Variants in ID3 observed in about 807,000 individuals in gnomAD.
ID3 encodes the protein inhibitor of DNA binding 3, also known as DNA-binding protein inhibitor ID-3.
ID3 carries 4 observed loss-of-function variants against 9.6 expected under a neutral mutation model. The observed-to-expected ratio is 0.42, with a 90% CI of 0.21 to 0.96. The LOEUF (loss-of-function observed/expected upper bound fraction) is 0.96, where lower values mean the gene tolerates loss of function less well. ID3 is among the 40% of genes least tolerant of loss of function. The pLI, the probability that ID3 is intolerant of heterozygous loss-of-function variation, is 0.30. For synonymous variants in ID3, 108 were observed against 75.2 expected (o/e 1.44, Z -2.26); for missense variants, 191 against 164.5 (o/e 1.16, Z -0.88).
At position 23,558,321 on chromosome 1, in the gene ID3, T is replaced by C. The variant is rs994853023; in HGVS notation, c.*120A>G. On this transcript the variant is annotated 3_prime_UTR_variant, in exon 3 of 3. Coordinates refer to ENST00000374561, the MANE Select transcript of ID3 (RefSeq NM_002167.5). ...CAGGAAGGGATTTGGTGAAGTCAAG[T>C]GGGCAGGGCGAAGTTGGGGCCCATC... The C allele has an allele frequency of 6.5e-6, 1 of 152,724 alleles. No homozygotes were observed. 9.5% of individuals were successfully genotyped at this position (152,724 alleles called of 1,614,324 possible).
intron 2 of ID3, chr1:23,558,655 T>G: frequency 2.6e-6 from 1 of 391,850 alleles, no homozygotes; most frequent in Non-Finnish European, 4.7e-6. Flanking sequence ...GACAGCTCCC[T>G]ATACAACATG....
chr1:23,558,651 T>C (rs1431642327), intron 2 of ID3: 2 of 348,768 alleles, frequency 5.7e-6, no homozygotes, highest in African/African-American at 2.1e-5. Context: ...CGAAGACAGC[T>C]CCCTATACAA....
chr1:23,559,208 G>A lies in ID3; in HGVS notation c.219C>T (p.Val73=). 5 of 1,614,214 alleles carry A rather than the reference G, an allele frequency of 3.1e-6. No homozygotes were observed. The highest frequency in any genetic ancestry group is 4.2e-6 in the Non-Finnish European group (5 of 1,180,038). The part of the protein sequence containing the change: ...QLSQVEILQR[V]IDYILDLQVV... ...CCTGCAGGTCGAGAATGTAGTCGATGACGCGCTGTAGGATTTCCACCTGGC... is the reference window on the plus strand; with the variant it reads ...CCTGCAGGTCGAGAATGTAGTCGATAACGCGCTGTAGGATTTCCACCTGGC... The change falls in exon 1 of 3, where the codon GTC becomes GTT. Residue 73 remains valine (V), a synonymous_variant. Coordinates refer to ENST00000374561, the MANE Select transcript of ID3 (RefSeq NM_002167.5).
In ID3 at chr1:23,559,078, G is replaced by A. The variant is rs375701426; in HGVS notation, c.300+49C>T. On this transcript the variant is annotated intron_variant, in intron 1 of 2. Transcript: ENST00000374561. ...GGCAATCGGGAGCTCCGAGGGTCCCGCAGCATCCTTGCCTGGGTGTTCAGC... is the reference window on the plus strand; with the variant it reads ...GGCAATCGGGAGCTCCGAGGGTCCCACAGCATCCTTGCCTGGGTGTTCAGC... 34 of 1,611,716 alleles carry A rather than the reference G, an allele frequency of 2.1e-5. No individual in the cohort carries two copies. The African/African-American group carries it at 3.5e-4, about 16-fold the overall frequency.
Position 23,559,489 on chromosome 1 carries a change from T to C in ID3, c.-63A>G. The C allele has an allele frequency of 1.3e-6, 2 of 1,527,466 alleles. No homozygotes were observed. Among genetic ancestry groups the C allele is most frequent in the East Asian group, 2.3e-5 (1 of 43,286 alleles). The allele number at this position is 1,527,466 out of a possible 1,614,324, so 94.6% of individuals were successfully genotyped here. A position where few individuals can be genotyped will look rare whatever the true frequency, so the allele number is the denominator to read the frequency against. On this transcript the variant is annotated 5_prime_UTR_variant, in exon 1 of 3. Transcript: ENST00000374561. ...AAAACCAAAAGAAGTCCCGCTACAG[T>C]GACCTGCAACGCGCGCACGCTCGCC...
chr1:23,559,404 C>T lies in ID3; in HGVS notation c.23G>A (p.Arg8His), dbSNP rs755804779. 39 of 1,612,240 alleles carry T rather than the reference C, an allele frequency of 2.4e-5. No individual in the cohort carries two copies. Among genetic ancestry groups the T allele is most frequent in the East Asian group, 4.5e-5 (2 of 44,876 alleles). MKALSPV[R>H]GCYEAVCCLS... Reference sequence around the variant, plus strand: ...GCAGCACACCGCCTCGTAGCAGCCGCGCACCGGGCTCAGCGCCTTCATGCT... The same window carrying T: ...GCAGCACACCGCCTCGTAGCAGCCGTGCACCGGGCTCAGCGCCTTCATGCT... Residue 8 changes from arginine (R) to histidine (H), a missense_variant, in exon 1 of 3, where the codon CGC (arginine) becomes CAC (histidine). By Grantham distance (29) the Arg-to-His change is conservative (BLOSUM62 0). Transcript: ENST00000374561.
Position 23,559,273 on chromosome 1 carries a change from G to A in ID3, c.154C>T (p.Arg52Trp). The change falls in exon 1 of 3, where the codon CGG becomes TGG. Residue 52 changes from arginine to tryptophan, a missense_variant. By Grantham distance (101) the Arg-to-Trp change is moderately radical. Transcript: ENST00000374561. ...CTCGGGACTCCGGGTACCAGTTCCCGCAGGCGGGAGTAGCAGTGGTTCATG... is the reference window on the plus strand; with the variant it reads ...CTCGGGACTCCGGGTACCAGTTCCCACAGGCGGGAGTAGCAGTGGTTCATG... ...DDMNHCYSRL[R>W]ELVPGVPRGT... The A allele has an allele frequency of 1.2e-6, 2 of 1,614,102 alleles. No homozygotes were observed. Among genetic ancestry groups the A allele is most frequent in the South Asian group, 1.1e-5 (1 of 91,086 alleles).
At position 23,559,452 on chromosome 1, in the gene ID3, C is replaced by T. The variant is rs748568243; in HGVS notation, c.-26G>A. 3 of 1,594,092 alleles carry T rather than the reference C, an allele frequency of 1.9e-6. No individual in the cohort carries two copies. The highest frequency in any genetic ancestry group is 3.5e-5 in the Admixed American group (2 of 57,174). On this transcript the variant is annotated 5_prime_UTR_variant, in exon 1 of 3. Coordinates refer to ENST00000374561, the MANE Select transcript of ID3 (RefSeq NM_002167.5). ...GCTGGGGAGTGAGTCCAGAGGTGCC[C>T]CAAAGAGAAAGAAAACCAAAAGAAG...
chr1:23,559,501 C>G lies in ID3; in HGVS notation c.-75G>C. On this transcript the variant is annotated 5_prime_UTR_variant, in exon 1 of 3. Coordinates refer to ENST00000374561, the MANE Select transcript of ID3 (RefSeq NM_002167.5). ...AGTCCCGCTACAGTGACCTGCAACG[C>G]GCGCACGCTCGCCGCGGCGGTCACT... The G allele has an allele frequency of 4.1e-6, 6 of 1,472,088 alleles. No individual in the cohort carries two copies. Among genetic ancestry groups the G allele is most frequent in the Non-Finnish European group, 5.4e-6 (6 of 1,102,814 alleles). The allele number at this position is 1,472,088 out of a possible 1,614,324, so 91.2% of individuals were successfully genotyped here.
At position 23,559,286 on chromosome 1, in the gene ID3, G is replaced by C. The variant is rs767879343; in HGVS notation, c.141C>G (p.Cys47Trp). ...PLSLLDDMNH[C>W]YSRLRELVPG... ...GTACCAGTTCCCGCAGGCGGGAGTA[G>C]CAGTGGTTCATGTCGTCCAGCAAGC... The change falls in exon 1 of 3, where the codon TGC becomes TGG. Residue 47 changes from cysteine (C) to tryptophan (W), a missense_variant. Physicochemically the swap from Cys to Trp is radical, Grantham distance 215 (BLOSUM62 -2). Coordinates refer to ENST00000374561, the MANE Select transcript of ID3 (RefSeq NM_002167.5). 1 of 1,614,076 alleles carries C rather than the reference G, an allele frequency of 6.2e-7. No individual in the cohort carries two copies. The highest frequency in any genetic ancestry group is 1.7e-5 in the Admixed American group (1 of 60,032).
intron 2 of ID3, 143 bp from the exon 3 acceptor site, chr1:23,558,558 C>T: frequency 5.4e-6 from 1 of 185,594 alleles, no homozygotes; most frequent in Non-Finnish European, 1.1e-5. Flanking sequence ...CACGCTGCCC[C>T]CACCCAGTTG....
chr1:23,558,836 TCA>T (rs1485291191), intron 2 of ID3, 97 bp downstream of exon 2: 17 of 739,044 alleles, frequency 2.3e-5, no homozygotes, highest in African/African-American at 5.3e-5. Context: ...CTCTCTGGCC[TCA>T]GTTTCCCTAA....
In ID3 at chr1:23,558,028, G is replaced by A. The variant is rs1643668071; in HGVS notation, c.*413C>T. On this transcript the variant is annotated 3_prime_UTR_variant, in exon 3 of 3. Coordinates refer to ENST00000374561, the MANE Select transcript of ID3 (RefSeq NM_002167.5). ...AGAAAGTCACCTTCCTGTAAAAAAG[G>A]TACAAAACCTATATACTCTATTATA... 6.6e-6 allele frequency: 1 copy of A among 152,560 alleles called. No individual in the cohort carries two copies. The highest frequency in any genetic ancestry group is 1.5e-5 in the Non-Finnish European group (1 of 68,026). 9.5% of individuals were successfully genotyped at this position (152,560 alleles called of 1,614,324 possible).
In ID3 at chr1:23,559,444, G is replaced by A; in HGVS notation, c.-18C>T. 1 of 1,603,228 alleles carries A rather than the reference G, an allele frequency of 6.2e-7. No individual in the cohort carries two copies. The highest frequency in any genetic ancestry group is 8.5e-7 in the Non-Finnish European group (1 of 1,173,866). On this transcript the variant is annotated 5_prime_UTR_variant, in exon 1 of 3. Coordinates refer to ENST00000374561, the MANE Select transcript of ID3 (RefSeq NM_002167.5). ...GCCTTCATGCTGGGGAGTGAGTCCA[G>A]AGGTGCCCCAAAGAGAAAGAAAACC...
At chr1:23,558,668 A>G in intron 2 of ID3, 1 of 444,132 alleles carries the variant, frequency 2.3e-6, no homozygotes. Flanking sequence ...ACAACATGGA[A>G]CAGAAAGACT....
In ID3 at chr1:23,559,468, C is replaced by T. The variant is rs1301253626; in HGVS notation, c.-42G>A. The T allele has an allele frequency of 1.3e-6, 2 of 1,584,380 alleles. No homozygotes were observed. Among genetic ancestry groups the T allele is most frequent in the South Asian group, 2.3e-5 (2 of 88,608 alleles). ...AGAGGTGCCCCAAAGAGAAAGAAAA[C>T]CAAAAGAAGTCCCGCTACAGTGACC... On this transcript the variant is annotated 5_prime_UTR_variant, in exon 1 of 3. Transcript: ENST00000374561.
chr1:23,559,139 G>A lies in ID3; in HGVS notation c.288C>T (p.His96=). 6.2e-7 allele frequency: 1 copy of A among 1,614,062 alleles called. No individual in the cohort carries two copies. Residue 96 remains histidine (H), a synonymous_variant, in exon 1 of 3, where the codon CAC becomes CAT. Coordinates refer to ENST00000374561, the MANE Select transcript of ID3 (RefSeq NM_002167.5). ...CTTCGAGGCTTACCTGGATGGGAAG[G>A]TGGGGGCCATCAGGGGGTCCAGGGG... ...EPAPGPPDGP[H]LPIQTAELTP...
In ID3 at chr1:23,559,481, C is replaced by T. The variant is rs188527709; in HGVS notation, c.-55G>A. 274 of 1,559,148 alleles carry T rather than the reference C, an allele frequency of 1.8e-4. No homozygotes were observed. The African/African-American group carries it at 2.9e-3, about 17-fold the overall frequency. On this transcript the variant is annotated 5_prime_UTR_variant, in exon 1 of 3. Transcript: ENST00000374561. Reference sequence around the variant, plus strand: ...AGAGAAAGAAAACCAAAAGAAGTCCCGCTACAGTGACCTGCAACGCGCGCA... The same window carrying T: ...AGAGAAAGAAAACCAAAAGAAGTCCTGCTACAGTGACCTGCAACGCGCGCA...
rs372134790 is a variant in ID3 at position 23,558,940 on chromosome 1, G to A, written c.*20C>T. The A allele has an allele frequency of 2.4e-5, 39 of 1,608,288 alleles. No individual in the cohort carries two copies. The highest frequency in any genetic ancestry group is 1.6e-4 in the Middle Eastern group (1 of 6,078). On this transcript the variant is annotated 3_prime_UTR_variant, in exon 2 of 3. Transcript: ENST00000374561. ...CCAAGAGAGGAGATACTCACCTGGA[G>A]GTGTCAGGACACGGCCGAGTCAGTG... is the stretch of plus-strand genomic sequence containing the variant.
Sources: gnomAD v4.1 joint callset for allele counts on GRCh38, gnomAD v4.1.1 for gene constraint, MANE v1.5 for transcripts, NCBI Gene and HGNC (gene_info 2026-07-23, HGNC 2026-07-21) for gene names.